Variants in FETUB observed in about 807,000 individuals in gnomAD.
The protein encoded by FETUB is fetuin-B.
In FETUB, 28 loss-of-function variants were observed where a neutral mutation model predicts 30.9. The ratio of observed to expected loss-of-function variants is 0.90; its 90% CI spans 0.67 to 1.24. The LOEUF is 1.24. Among genes scored for constraint, FETUB ranks in the 50% most tolerant of loss-of-function variants. The pLI, the probability that FETUB is intolerant of heterozygous loss-of-function variation, is 0.00. For synonymous variants in FETUB, 186 were observed against 175.9 expected (o/e 1.06, Z -0.45); for missense variants, 469 against 455.3 (o/e 1.03, Z -0.27).
chr3:186,650,170 T>G (rs112838426), intron 5 of FETUB, among the ~76,000 whole-genome samples: 271 of 65,446 alleles, frequency 4.1e-3, no homozygotes, highest in Middle Eastern at 6.6e-3. Context: ...TTGGCGGGGG[T>G]GGGGGGGGGG....
chr3:186,652,607 C>T lies in FETUB; in HGVS notation c.1125C>T (p.Ala375=). The change falls in exon 7 of 7, where the codon GCC becomes GCT. Residue 375 remains alanine, a synonymous_variant. Coordinates refer to ENST00000265029, the MANE Select transcript of FETUB (RefSeq NM_014375.3). ...AGTGCCCAGGGCCAGCCCAGAATGC[C>T]AGCCCTCTTGTCCTTCCGCCATGAG... ...TAECPGPAQN[A]SPLVLPP is the part of the protein sequence containing the mutation. The T allele has an allele frequency of 6.2e-7, 1 of 1,609,982 alleles. No homozygotes were observed.
upstream of FETUB, among the ~76,000 whole-genome samples, chr3:186,639,145 A>G (rs1334403221): frequency 6.6e-6 from 1 of 152,208 alleles, no homozygotes; most frequent in East Asian, 1.9e-4. Flanking sequence ...GAGGGGCTAT[A>G]CCTGCTGAGA....
At chr3:186,638,059 A>G (rs1716826539), upstream of FETUB, among the ~76,000 whole-genome samples, 1 of 152,268 alleles carries the variant, frequency 6.6e-6, no homozygotes, top group South Asian at 2.1e-4. Context: ...TATTGAAATT[A>G]TAATATTTTG....
intron 2 of FETUB, chr3:186,641,869 T>C (rs1717084012): frequency 6.6e-6 from 1 of 152,362 alleles, no homozygotes; most frequent in African/African-American, 2.4e-5. Flanking sequence ...CAACTTGATT[T>C]TGAAAAGTGA....
chr3:186,645,819 C>T (rs998579302), intron 4 of FETUB, among the ~76,000 whole-genome samples: 2 of 147,426 alleles, frequency 1.4e-5, no homozygotes, highest in African/African-American at 2.5e-5. Context: ...CTCCAACTCC[C>T]TGGTTCAAGG....
chr3:186,652,435 A>G lies in FETUB; in HGVS notation c.953A>G (p.Lys318Arg). The G allele has an allele frequency of 6.2e-7, 1 of 1,613,790 alleles. No homozygotes were observed. The highest frequency in any genetic ancestry group is 1.1e-5 in the South Asian group (1 of 91,010). Reference protein sequence around the residue: ...PDLDDKNSQEKGPQEAFPVHL... With the variant: ...PDLDDKNSQERGPQEAFPVHL... ...TTGGATGATAAAAATTCCCAGGAAA[A>G]GGGCCCTCAGGAGGCCTTTCCTGTG... Residue 318 changes from lysine to arginine, a missense_variant, in exon 7 of 7, where the codon AAG (lysine) becomes AGG (arginine). By Grantham distance (26) the Lys-to-Arg change is conservative. Coordinates refer to ENST00000265029, the MANE Select transcript of FETUB (RefSeq NM_014375.3).
chr3:186,644,733 TGTTATTGGCATCAACA>T lies in FETUB; in HGVS notation c.425-14_426del. ...AAAATTAATAGCATTTAAAAACTTA[TGTTATTGGCATCAACA>T]GTTTCAAAAAAAAAGATTTACATGA... On this transcript the variant is annotated splice_acceptor_variant and splice_polypyrimidine_tract_variant and intron_variant, in intron 3 of 6. Transcript: ENST00000265029. LOFTEE classifies it high-confidence loss of function. 1 of 1,580,652 alleles carries T rather than the reference TGTTATTGGCATCAACA, an allele frequency of 6.3e-7. No homozygotes were observed. The highest frequency in any genetic ancestry group is 8.6e-7 in the Non-Finnish European group (1 of 1,166,546).
At chr3:186,642,366 A>C in intron 2 of FETUB, 105 bp from the exon 3 acceptor site, 3 of 707,966 alleles carry the variant, frequency 4.2e-6, no homozygotes, top group Non-Finnish European at 7.4e-6. Flanking sequence ...TTTGATCTTA[A>C]GTTTCTAACT....
chr3:186,646,238 C>A lies in FETUB; in HGVS notation c.595-10C>A, dbSNP rs372437277. The A allele has an allele frequency of 6.3e-7, 1 of 1,596,490 alleles. No individual in the cohort carries two copies. The highest frequency in any genetic ancestry group is 8.6e-7 in the Non-Finnish European group (1 of 1,164,538). ...TTGATTTTTATGTCTCAACTCTTGT[C>A]TCATAACAGTGGGTGGTCGGCCCTT... On this transcript the variant is annotated splice_polypyrimidine_tract_variant and intron_variant, in intron 4 of 6. Transcript: ENST00000265029.
chr3:186,637,145 A>G (rs1716800136), upstream of FETUB, among the ~76,000 whole-genome samples: 1 of 152,230 alleles, frequency 6.6e-6, no homozygotes, highest in Non-Finnish European at 1.5e-5. Context: ...GAGAGAAGGA[A>G]CACAGAGTGT....
chr3:186,644,931 A>C lies in FETUB; in HGVS notation c.594+11A>C, dbSNP rs1207907601. 11 of 1,605,930 alleles carry C rather than the reference A, an allele frequency of 6.8e-6. No individual in the cohort carries two copies. Among genetic ancestry groups the C allele is most frequent in the Non-Finnish European group, 8.5e-6 (10 of 1,176,282 alleles). On this transcript the variant is annotated intron_variant, in intron 4 of 6. Coordinates refer to ENST00000265029, the MANE Select transcript of FETUB (RefSeq NM_014375.3). ...AGGGCTTCTAGCCAGGTAAGGCTAA[A>C]ACTGCCCAAGCCAGTTACACAGTGT...
chr3:186,640,740 T>G (rs926563120), intron 1 of FETUB, 55 bp downstream of exon 1: 11 of 1,451,788 alleles, frequency 7.6e-6, no homozygotes, highest in Non-Finnish European at 1.1e-5. Flanking sequence ...CTGGAGAGAC[T>G]GGCCAGGGTG....
chr3:186,637,985 G>T (rs1037266093), upstream of FETUB, among the ~76,000 whole-genome samples: 2 of 152,042 alleles, frequency 1.3e-5, no homozygotes, highest in Non-Finnish European at 2.9e-5. Flanking sequence ...TCCAAATTGG[G>T]GTATGCCATA....
chr3:186,636,155 T>C (rs575937176), upstream of FETUB: 4 of 152,464 alleles, frequency 2.6e-5, no homozygotes, highest in East Asian at 7.7e-4. Flanking sequence ...GCTGAGGCCC[T>C]GGCTCGGGAG....
At position 186,652,597 on chromosome 3, in the gene FETUB, C is replaced by A; in HGVS notation, c.1115C>A (p.Ala372Asp). 8 of 1,611,416 alleles carry A rather than the reference C, an allele frequency of 5.0e-6. No homozygotes were observed. The highest frequency in any genetic ancestry group is 1.3e-5 in the African/African-American group (1 of 74,934). The part of the protein sequence containing the change: ...KARTAECPGP[A>D]QNASPLVLPP ...CGCACTGCTGAGTGCCCAGGGCCAGCCCAGAATGCCAGCCCTCTTGTCCTT... is the reference window on the plus strand; with the variant it reads ...CGCACTGCTGAGTGCCCAGGGCCAGACCAGAATGCCAGCCCTCTTGTCCTT... Residue 372 changes from alanine to aspartate, a missense_variant, in exon 7 of 7, where the codon GCC becomes GAC. By Grantham distance (126) the Ala-to-Asp change is moderately radical. Transcript: ENST00000265029.
At chr3:186,647,980 GAAC>G (rs911816773) in intron 5 of FETUB, among the ~76,000 whole-genome samples, 9 of 151,146 alleles carry the variant, frequency 6.0e-5, no homozygotes, top group African/African-American at 1.2e-4. Flanking sequence ...AAATAATCTT[GAAC>G]AACAACAACA....
chr3:186,637,823 C>T (rs920389398), upstream of FETUB, among the ~76,000 whole-genome samples: 5 of 152,236 alleles, frequency 3.3e-5, no homozygotes, highest in Non-Finnish European at 7.3e-5. Flanking sequence ...TTGCATACTT[C>T]CCCTGTGATA....
chr3:186,638,322 T>C (rs934480879), upstream of FETUB, among the ~76,000 whole-genome samples: 2 of 152,170 alleles, frequency 1.3e-5, no homozygotes, highest in Non-Finnish European at 2.9e-5. Context: ...CAAGTGTACC[T>C]GGGTTGGGCT....
chr3:186,640,992 C>A, intron 1 of FETUB, 38 bp from the exon 2 acceptor site: 2 of 1,330,420 alleles, frequency 1.5e-6, no homozygotes, highest in Non-Finnish European at 2.2e-6. Context: ...TTTCTACTTC[C>A]TGTGAAATGT....
Sources: allele counts gnomAD v4.1 joint callset (sites outside exome capture counted in the v4.1 genomes callset), GRCh38; gene constraint gnomAD v4.1.1; transcripts MANE v1.5; gene names NCBI Gene and HGNC (gene_info 2026-07-23, HGNC 2026-07-21).